Variants in PTK2 observed in about 807,000 individuals in gnomAD.
The protein encoded by PTK2 is protein tyrosine kinase 2.
In PTK2, 45 loss-of-function variants were observed where a neutral mutation model predicts 150.1. That is an observed-to-expected ratio of 0.30 (90% confidence interval 0.24 to 0.38). PTK2 has a LOEUF of 0.38. PTK2 is among the 10% of genes least tolerant of loss of function. The probability of loss-of-function intolerance (pLI) is 1.00; values close to 1 mark genes in which losing one functional copy is unlikely to be tolerated. For missense variants in PTK2, 919 were observed against 1,307.3 expected (o/e 0.70, Z 4.58); for synonymous variants, 432 against 449.2 (o/e 0.96, Z 0.48).
At chr8:140,973,571 T>G (rs1428377779) in intron 1 of PTK2, among the ~76,000 whole-genome samples, 2 of 151,890 alleles carry the variant, frequency 1.3e-5, no homozygotes, top group Non-Finnish European at 2.9e-5. Flanking sequence ...ATAGGATAGA[T>G]GTAAATCAAA....
intron 16 of PTK2, among the ~76,000 whole-genome samples, chr8:140,752,712 C>T (rs751688075): frequency 1.2e-4 from 18 of 152,206 alleles, no homozygotes; most frequent in African/African-American, 4.1e-4. Flanking sequence ...AGAAGGTAAC[C>T]GTGTTACAGA....
intron 1 of PTK2, among the ~76,000 whole-genome samples, chr8:140,949,415 G>A (rs1251005380): frequency 1.3e-5 from 2 of 152,134 alleles, no homozygotes; most frequent in Admixed American, 1.3e-4. Context: ...ACATTCCCAG[G>A]TACAGCTGCA....
rs115923202 is a variant in PTK2, at chr8:140,798,011, T to G, written c.1093+2448A>C. On this transcript the variant is annotated intron_variant, in intron 12 of 31. Coordinates refer to ENST00000522684, the Ensembl canonical transcript of PTK2. The stretch of plus-strand genomic sequence containing the variant: ...ATGGTAGATCAAAGAACTAACAAAA[T>G]GCATCTGGGCACACCCAATTCACAT... Among the ~76,000 whole-genome samples, 601 of 152,254 alleles carry G rather than the reference T, an allele frequency of 3.9e-3. 6 individuals carry two copies. Among genetic ancestry groups the G allele is most frequent in the African/African-American group, 0.014 (582 of 41,554 alleles).
At chr8:140,850,550 C>A (rs975765562) in intron 5 of PTK2, among the ~76,000 whole-genome samples, 33 of 148,692 alleles carry the variant, frequency 2.2e-4, no homozygotes, top group Non-Finnish European at 1.6e-4. Flanking sequence ...ATAGTGAAAC[C>A]CCATCTCTAC....
At chr8:140,877,584 T>A (rs911648733) in intron 4 of PTK2, among the ~76,000 whole-genome samples, 40 of 152,126 alleles carry the variant, frequency 2.6e-4, no homozygotes, top group Non-Finnish European at 1.5e-5. Context: ...ATTTAAGTTA[T>A]CTGGTGTAAG....
chr8:140,726,495 A>T (rs2100045887), intron 22 of PTK2, among the ~76,000 whole-genome samples: 3 of 152,198 alleles, frequency 2.0e-5, no homozygotes, highest in African/African-American at 7.2e-5. Flanking sequence ...AAGAAAGAAA[A>T]TCATGGAAGC....
rs537655396 is a variant in PTK2 at position 140,858,354 on chromosome 8, A to T, written c.450+5958T>A. Among the ~76,000 whole-genome samples the T allele has an allele frequency of 1.7e-3, 260 of 151,420 alleles. 1 individual carries two copies. Among genetic ancestry groups the T allele is most frequent in the Non-Finnish European group, 3.0e-3 (206 of 67,872 alleles). ...TATCAGAATAGACAACAACTAAGAGATTTCCAGAAATGATGAAAACGACAT... is the reference window on the plus strand; with the variant it reads ...TATCAGAATAGACAACAACTAAGAGTTTTCCAGAAATGATGAAAACGACAT... On this transcript the variant is annotated intron_variant, in intron 5 of 31. Transcript: ENST00000522684.
At chr8:140,702,128 CAAAAAAA>C (rs749591009) in intron 25 of PTK2, among the ~76,000 whole-genome samples, 2 of 42,716 alleles carry the variant, frequency 4.7e-5, no homozygotes, top group East Asian at 1.1e-3. Flanking sequence ...ACTCTGTCTC[CAAAAAAA>C]AAAAAAAAAA....
At position 140,674,241 on chromosome 8, in the gene PTK2, C is replaced by G. The variant is rs1485145961; in HGVS notation, c.2709+57G>C. 6 of 1,483,556 alleles carry G rather than the reference C, an allele frequency of 4.0e-6. No individual in the cohort carries two copies. The Admixed American group carries it at 7.1e-5, about 18-fold the overall frequency. 91.9% of individuals were successfully genotyped at this position (1,483,556 alleles called of 1,614,324 possible). Reference sequence around the variant, plus strand: ...ATGACATGAACACATCAACTGAGAACTAGGGGACACCACAAATCCTGCAAG... The same window carrying G: ...ATGACATGAACACATCAACTGAGAAGTAGGGGACACCACAAATCCTGCAAG... On this transcript the variant is annotated intron_variant, in intron 29 of 31. Coordinates refer to ENST00000522684, the Ensembl canonical transcript of PTK2.
chr8:140,803,005 C>CTTTTTTTTTTTT (rs778981723), intron 11 of PTK2, among the ~76,000 whole-genome samples: 3 of 77,348 alleles, frequency 3.9e-5, no homozygotes, highest in Admixed American at 1.8e-4. Context: ...TGATGACAAT[C>CTTTTTTTTTTTT]TTTTTTTTTT....
At chr8:140,709,476 T>C (rs867444057) in intron 23 of PTK2, among the ~76,000 whole-genome samples, 1 of 152,234 alleles carries the variant, frequency 6.6e-6, no homozygotes, top group Non-Finnish European at 1.5e-5. Flanking sequence ...TTCTGTTCTC[T>C]ACAAATCAGA....
chr8:140,740,499 C>T (rs563399486), intron 20 of PTK2, among the ~76,000 whole-genome samples: 1 of 152,152 alleles, frequency 6.6e-6, no homozygotes, highest in African/African-American at 2.4e-5. Context: ...ATCAGAATTC[C>T]TAGAAAGAGG....
intron 1 of PTK2, among the ~76,000 whole-genome samples, chr8:140,940,276 A>G (rs11777476): frequency 0.42 from 63,446 of 151,954 alleles, 15,164 homozygotes; most frequent in Non-Finnish European, 0.55. Flanking sequence ...GATCACCTGA[A>G]GCCAGGAGTT....
At chr8:140,793,263 A>T (rs1566502665) in intron 13 of PTK2, 91 bp downstream of exon 13, 1 of 1,414,534 alleles carries the variant, frequency 7.1e-7, no homozygotes, top group Non-Finnish European at 9.6e-7. Flanking sequence ...TATTGAATTT[A>T]ATTTTTTTAG....
At chr8:140,723,130 T>C (rs1217987198) in intron 22 of PTK2, among the ~76,000 whole-genome samples, 1 of 152,238 alleles carries the variant, frequency 6.6e-6, no homozygotes, top group Non-Finnish European at 1.5e-5. Context: ...CCACTGAATT[T>C]ACTGCCTGAA....
chr8:140,865,656 C>A (rs1205772797), intron 4 of PTK2, among the ~76,000 whole-genome samples: 1 of 152,206 alleles, frequency 6.6e-6, no homozygotes, highest in Admixed American at 6.5e-5. Flanking sequence ...TTTCATTTCA[C>A]TTTTACTCTC....
chr8:140,951,878 C>CT (rs1569441711), intron 1 of PTK2, among the ~76,000 whole-genome samples: 1 of 147,112 alleles, frequency 6.8e-6, no homozygotes, highest in South Asian at 2.2e-4. Context: ...GAGCAAGACT[C>CT]TATCTGCAAA....
At chr8:140,684,150 A>G (rs749541023) in intron 27 of PTK2, among the ~76,000 whole-genome samples, 9 of 152,228 alleles carry the variant, frequency 5.9e-5, no homozygotes, top group Non-Finnish European at 4.4e-5. Context: ...CTGATAAACG[A>G]GCAGTCCCCA....
intron 12 of PTK2, among the ~76,000 whole-genome samples, chr8:140,799,756 G>A (rs2100093846): frequency 1.3e-5 from 2 of 152,318 alleles, no homozygotes; most frequent in South Asian, 2.1e-4. Flanking sequence ...CCAGATGACA[G>A]AACTGAGGCT....
Sources: gnomAD v4.1 joint callset for allele counts (sites outside exome capture counted in the v4.1 genomes callset) on GRCh38, gnomAD v4.1.1 for gene constraint, MANE v1.5 for transcripts, NCBI Gene and HGNC (gene_info 2026-07-23, HGNC 2026-07-21) for gene names.